The following CNTN1 variants were observed in gnomAD, a reference collection of about 807,000 sequenced individuals.
CNTN1 encodes the protein contactin-1.
CNTN1 carries 38 observed loss-of-function variants against 126.4 expected under a neutral mutation model. The observed-to-expected ratio is 0.30, with a 90% CI of 0.23 to 0.39. The LOEUF is 0.39. Among genes scored for constraint, CNTN1 ranks in the 10% least tolerant of loss-of-function variants. The probability of loss-of-function intolerance (pLI) is 1.00; values close to 1 mark genes in which losing one functional copy is unlikely to be tolerated. For missense variants in CNTN1, 1,009 were observed against 1,248.4 expected, an observed-to-expected ratio of 0.81 and a Z score of 2.89; for synonymous variants, 413 against 422.6, an observed-to-expected ratio of 0.98 and a Z score of 0.28.
At chr12:40,985,641 T>C (rs967073372) in intron 16 of CNTN1, among the ~76,000 whole-genome samples, 1 of 152,212 alleles carries the variant, frequency 6.6e-6, no homozygotes, top group Non-Finnish European at 1.5e-5. Flanking sequence ...TCAAGATTTC[T>C]TTTTGTATTT....
At chr12:41,008,855 A>G (rs1206757639) in intron 17 of CNTN1, among the ~76,000 whole-genome samples, 1 of 152,180 alleles carries the variant, frequency 6.6e-6, no homozygotes, top group Non-Finnish European at 1.5e-5. Flanking sequence ...CCTTCTTTGC[A>G]CCAAACGGTA....
At chr12:40,880,833 T>A (rs1390910066) in intron 1 of CNTN1, among the ~76,000 whole-genome samples, 1 of 152,024 alleles carries the variant, frequency 6.6e-6, no homozygotes, top group Non-Finnish European at 1.5e-5. Context: ...GACACTTTTT[T>A]TTTCAGTTTT....
chr12:40,785,807 C>G (rs569057166), intron 1 of CNTN1, among the ~76,000 whole-genome samples: 1 of 152,072 alleles, frequency 6.6e-6, no homozygotes, highest in South Asian at 2.1e-4. Flanking sequence ...AGAGGCCTGA[C>G]AGTAGGATAC....
intron 15 of CNTN1, among the ~76,000 whole-genome samples, chr12:40,973,781 G>C (rs1490921916): frequency 6.6e-6 from 1 of 152,114 alleles, no homozygotes; most frequent in Non-Finnish European, 1.5e-5. Context: ...GAGCAGGTTA[G>C]GGCTACTATC....
At chr12:40,790,493 G>C (rs1001648310) in intron 1 of CNTN1, among the ~76,000 whole-genome samples, 1 of 152,012 alleles carries the variant, frequency 6.6e-6, no homozygotes, top group East Asian at 1.9e-4. Context: ...TTTTCTCTGC[G>C]CATCACTATC....
intron 1 of CNTN1, among the ~76,000 whole-genome samples, chr12:40,709,476 C>T (rs1013958771): frequency 6.6e-6 from 1 of 152,194 alleles, no homozygotes; most frequent in Non-Finnish European, 1.5e-5. Flanking sequence ...TCAGAAGCTA[C>T]ATTAGCTACT....
At chr12:40,801,015 G>GT (rs1213318457) in intron 1 of CNTN1, among the ~76,000 whole-genome samples, 34 of 143,742 alleles carry the variant, frequency 2.4e-4, no homozygotes, top group Middle Eastern at 3.6e-3. Flanking sequence ...CTAGAGTTTT[G>GT]TTTTTTTTTT....
At position 40,860,398 on chromosome 12, in the gene CNTN1, G is replaced by A. The variant is rs145541652; in HGVS notation, c.-76-47959G>A. ...GGGTGTTCAACAATTCAATTCAATT[G>A]TGCCTTTAATTTATTGGAGTTAGTG... On this transcript the variant is annotated intron_variant, in intron 1 of 23. Coordinates refer to ENST00000551295, the MANE Select transcript of CNTN1 (RefSeq NM_001843.4). Among the ~76,000 whole-genome samples, 380 of 152,046 alleles carry A rather than the reference G, an allele frequency of 2.5e-3. 1 individual carries two copies. The highest frequency in any genetic ancestry group is 8.8e-3 in the African/African-American group (365 of 41,482).
chr12:40,936,757 T>A (rs1946093957), intron 9 of CNTN1, 24 bp from the exon 10 acceptor site: 1 of 1,611,970 alleles, frequency 6.2e-7, no homozygotes, highest in Non-Finnish European at 8.5e-7. Context: ...TCATTTAACA[T>A]TTACAATGTT....
At chr12:40,692,891 C>A (rs776855631) in intron 1 of CNTN1, among the ~76,000 whole-genome samples, 1 of 152,154 alleles carries the variant, frequency 6.6e-6, no homozygotes, top group Non-Finnish European at 1.5e-5. Flanking sequence ...AGGCTGCCGC[C>A]GCCAGCGCCG....
intron 1 of CNTN1, among the ~76,000 whole-genome samples, chr12:40,772,599 T>G (rs1005748515): frequency 3.3e-5 from 5 of 151,930 alleles, no homozygotes; most frequent in Admixed American, 6.6e-5. Context: ...AGTTGAGTAT[T>G]TAGGCTTATG....
chr12:40,908,191 T>G (rs1443414466), intron 1 of CNTN1, among the ~76,000 whole-genome samples, 166 bp from the exon 2 acceptor site: 1 of 152,194 alleles, frequency 6.6e-6, no homozygotes, highest in Admixed American at 6.5e-5. Flanking sequence ...GAAAACTTAT[T>G]CTACAAACGA....
intron 15 of CNTN1, chr12:40,972,236 G>A (rs987995631): frequency 1.0e-6 from 1 of 985,306 alleles, no homozygotes; most frequent in Middle Eastern, 5.2e-4. Context: ...AGCTTTTGTA[G>A]ATCGTTTGGG....
At chr12:40,949,198 G>GT (rs202111064) in intron 14 of CNTN1, among the ~76,000 whole-genome samples, 807 of 72,938 alleles carry the variant, frequency 0.011, 3 homozygotes, top group Non-Finnish European at 0.016. Context: ...AAGTCAATTT[G>GT]TTTTTTTTTT....
At chr12:40,896,711 T>C (rs1475680813) in intron 1 of CNTN1, among the ~76,000 whole-genome samples, 1 of 152,198 alleles carries the variant, frequency 6.6e-6, no homozygotes, top group Non-Finnish European at 1.5e-5. Flanking sequence ...TTTTTCTAAT[T>C]CAGTTTCCCA....
At chr12:40,738,184 A>G (rs1327959985) in intron 1 of CNTN1, among the ~76,000 whole-genome samples, 1 of 152,072 alleles carries the variant, frequency 6.6e-6, no homozygotes, top group Non-Finnish European at 1.5e-5. Context: ...TAATAATATG[A>G]TATTTGTTCA....
At chr12:40,927,694 CA>C (rs768222904) in intron 6 of CNTN1, among the ~76,000 whole-genome samples, 9 of 152,038 alleles carry the variant, frequency 5.9e-5, no homozygotes, top group Non-Finnish European at 1.3e-4. Flanking sequence ...CCCACAAATC[CA>C]AAGGCCACAT....
Position 40,736,360 on chromosome 12 carries a change from T to C in CNTN1, c.-77+43768T>C, listed in dbSNP as rs1937681598. Among the ~76,000 whole-genome samples the C allele has an allele frequency of 2.0e-5, 3 of 152,080 alleles. No homozygotes were observed. The South Asian group carries it at 6.2e-4, about 31-fold the overall frequency. ...AAACAAATAGACCAAAAGTAATGCA[T>C]AGATCTTAATAATATAAGTATAAGA... On this transcript the variant is annotated intron_variant, in intron 1 of 23. Coordinates refer to ENST00000551295, the MANE Select transcript of CNTN1 (RefSeq NM_001843.4).
At chr12:40,693,804 C>A (rs1232241654) in intron 1 of CNTN1, among the ~76,000 whole-genome samples, 3 of 152,126 alleles carry the variant, frequency 2.0e-5, no homozygotes, top group African/African-American at 7.2e-5. Flanking sequence ...GAATCCAATT[C>A]TCCATTGGGG....
Sources: gnomAD v4.1 joint callset for allele counts (sites outside exome capture counted in the v4.1 genomes callset) on GRCh38, gnomAD v4.1.1 for gene constraint, MANE v1.5 for transcripts, NCBI Gene and HGNC (gene_info 2026-07-23, HGNC 2026-07-21) for gene names.